Variants in OSBP2 observed in about 807,000 individuals in gnomAD.
The protein encoded by OSBP2 is oxysterol binding protein 2.
In OSBP2, 66 loss-of-function variants were observed where a neutral mutation model predicts 96.0. The ratio of observed to expected loss-of-function variants is 0.69; its 90% CI spans 0.56 to 0.84. The LOEUF (loss-of-function observed/expected upper bound fraction) is 0.84. Ranked by LOEUF, OSBP2 falls within the 40% of genes least tolerant of loss-of-function variation. The pLI, the probability that OSBP2 is intolerant of heterozygous loss-of-function variation, is 0.00. For missense variants in OSBP2, 1,038 were observed against 1,222.7 expected, an observed-to-expected ratio of 0.85 and a Z score of 2.25; for synonymous variants, 525 against 520.9, an observed-to-expected ratio of 1.01 and a Z score of -0.11.
intron 2 of OSBP2, among the ~76,000 whole-genome samples, chr22:30,849,917 CT>C (rs1437709332): frequency 2.0e-5 from 3 of 152,098 alleles, no homozygotes; most frequent in Non-Finnish European, 2.9e-5. Context: ...GTCAAGGTTA[CT>C]TTTTGCCATA....
rs1326464889 is a variant in OSBP2, at chr22:30,741,282, G to A, written c.766G>A (p.Ala256Thr). The A allele has an allele frequency of 4.3e-6, 7 of 1,613,878 alleles. No individual in the cohort carries two copies. Among genetic ancestry groups the A allele is most frequent in the African/African-American group, 2.7e-5 (2 of 74,928 alleles). ...TSGARSYHLK[A>T]SSEVDRQQWI... ...TGGGGCCAGGAGCTACCACCTCAAGGCCAGCTCAGAGGTGGACCGGCAGCA... is the reference window on the plus strand; with the variant it reads ...TGGGGCCAGGAGCTACCACCTCAAGACCAGCTCAGAGGTGGACCGGCAGCA... The change falls in exon 2 of 14, where the codon GCC becomes ACC. Residue 256 changes from alanine (A) to threonine (T), a missense_variant. By Grantham distance (58) the Ala-to-Thr change is moderately conservative. Transcript: ENST00000332585.
At chr22:30,805,237 A>G (rs2090912327) in intron 2 of OSBP2, among the ~76,000 whole-genome samples, 1 of 152,260 alleles carries the variant, frequency 6.6e-6, no homozygotes, top group Admixed American at 6.5e-5. Flanking sequence ...ACGTGCATGA[A>G]AAATATGAAC....
intron 2 of OSBP2, among the ~76,000 whole-genome samples, chr22:30,853,231 A>G (rs1236910488): frequency 6.6e-6 from 1 of 152,150 alleles, no homozygotes; most frequent in Non-Finnish European, 1.5e-5. Flanking sequence ...ACCACTAACT[A>G]TGTTAGATTT....
intron 1 of OSBP2, among the ~76,000 whole-genome samples, chr22:30,717,086 G>GTTTTTTTTTTTTTTT (rs144392805): frequency 4.1e-5 from 4 of 96,560 alleles, no homozygotes; most frequent in Non-Finnish European, 4.3e-5. Context: ...TAATTTTACT[G>GTTTTTTTTTTTTTTT]TTTTTGTGTG....
At chr22:30,775,877 C>T (rs1279930338) in intron 2 of OSBP2, among the ~76,000 whole-genome samples, 2 of 151,624 alleles carry the variant, frequency 1.3e-5, no homozygotes, top group African/African-American at 4.8e-5. Context: ...CTCATTGCAA[C>T]TTGCTGCCTC....
intron 2 of OSBP2, among the ~76,000 whole-genome samples, chr22:30,803,542 C>T (rs908783446): frequency 4.0e-4 from 61 of 152,180 alleles, no homozygotes; most frequent in African/African-American, 1.5e-3. Flanking sequence ...GGCCTGGCCC[C>T]GAGCAACCTA....
intron 1 of OSBP2, among the ~76,000 whole-genome samples, chr22:30,710,600 C>CTT (rs538715953): frequency 7.7e-5 from 11 of 143,734 alleles, no homozygotes; most frequent in Non-Finnish European, 1.5e-4. Context: ...TTATACTTGT[C>CTT]TTTTTTTTTT....
intron 3 of OSBP2, among the ~76,000 whole-genome samples, chr22:30,883,548 C>T (rs182772600): frequency 1.8e-3 from 268 of 152,316 alleles, no homozygotes; most frequent in African/African-American, 6.2e-3. Flanking sequence ...AGCACTGGGC[C>T]AAGCTTAGGG....
intron 2 of OSBP2, among the ~76,000 whole-genome samples, chr22:30,787,779 A>G (rs2090614395): frequency 6.6e-6 from 1 of 152,232 alleles, no homozygotes; most frequent in African/African-American, 2.4e-5. Context: ...ACAATTGAAG[A>G]TGAGATTTGG....
chr22:30,876,378 G>T (rs2039578554), intron 3 of OSBP2, among the ~76,000 whole-genome samples: 1 of 152,242 alleles, frequency 6.6e-6, no homozygotes, highest in Non-Finnish European at 1.5e-5. Flanking sequence ...ATTGGGCAAG[G>T]CTTGTCAACT....
chr22:30,784,268 ATTATT>A (rs1350567066), intron 2 of OSBP2, among the ~76,000 whole-genome samples: 1 of 151,910 alleles, frequency 6.6e-6, no homozygotes. Context: ...TAATTTATTT[ATTATT>A]TTGAGACAGG....
chr22:30,895,941 T>C (rs1244188586), intron 12 of OSBP2, among the ~76,000 whole-genome samples: 4 of 150,914 alleles, frequency 2.7e-5, no homozygotes, highest in Non-Finnish European at 5.9e-5. Context: ...GAAAACAGTA[T>C]TGGACACAGT....
At chr22:30,698,205 AC>A (rs2089086740) in intron 1 of OSBP2, among the ~76,000 whole-genome samples, 1 of 151,980 alleles carries the variant, frequency 6.6e-6, no homozygotes. Flanking sequence ...CTCTCCAGAC[AC>A]CCAGCTCTCA....
chr22:30,808,051 A>G (rs1043609355), intron 2 of OSBP2, among the ~76,000 whole-genome samples: 1 of 152,076 alleles, frequency 6.6e-6, no homozygotes, highest in African/African-American at 2.4e-5. Flanking sequence ...CTTCCTCCCA[A>G]AGTGCGGGGA....
intron 2 of OSBP2, among the ~76,000 whole-genome samples, chr22:30,841,166 C>T (rs1602342371): frequency 6.6e-6 from 1 of 151,068 alleles, no homozygotes; most frequent in Non-Finnish European, 1.5e-5. Flanking sequence ...CTCTGTCTCA[C>T]AAAAACAAAA....
At chr22:30,822,655 A>G (rs949234566) in intron 2 of OSBP2, 11 of 1,533,960 alleles carry the variant, frequency 7.2e-6, no homozygotes, top group Admixed American at 5.9e-5. Context: ...CTGCTGGGAC[A>G]CGGCCTCCGT....
At chr22:30,789,098 T>C (rs1261424524) in intron 2 of OSBP2, among the ~76,000 whole-genome samples, 3 of 152,216 alleles carry the variant, frequency 2.0e-5, no homozygotes, top group Non-Finnish European at 2.9e-5. Context: ...AGCCCATTTA[T>C]AGTATGTCTG....
At chr22:30,755,641 C>T (rs2090131176) in intron 2 of OSBP2, among the ~76,000 whole-genome samples, 1 of 152,126 alleles carries the variant, frequency 6.6e-6, no homozygotes, top group African/African-American at 2.4e-5. Context: ...CCAGGGCTGG[C>T]TTGCTCACCT....
chr22:30,829,707 A>G (rs186756062), intron 2 of OSBP2, among the ~76,000 whole-genome samples: 31 of 152,376 alleles, frequency 2.0e-4, no homozygotes, highest in Non-Finnish European at 2.9e-4. Context: ...CTGGATTTGC[A>G]TTGTAATAAA....
Sources: gnomAD v4.1 joint callset for allele counts (sites outside exome capture counted in the v4.1 genomes callset) on GRCh38, gnomAD v4.1.1 for gene constraint, MANE v1.5 for transcripts, NCBI Gene and HGNC (gene_info 2026-07-23, HGNC 2026-07-21) for gene names.